TEX11: variants seen among roughly 807,000 people sequenced by gnomAD.
TEX11 encodes the protein testis expressed 11.
TEX11 carries 7 observed loss-of-function variants against 84.4 expected under a neutral mutation model. That is an observed-to-expected ratio of 0.08 (90% CI 0.05 to 0.16). The LOEUF is 0.16. Ranked by LOEUF, TEX11 falls within the 10% of genes least tolerant of loss-of-function variation. The probability of loss-of-function intolerance (pLI) is 1.00; values close to 1 mark genes in which losing one functional copy is unlikely to be tolerated. For missense variants in TEX11, 551 were observed against 660.5 expected, an observed-to-expected ratio of 0.83 and a Z score of 1.82; for synonymous variants, 264 against 222.8, an observed-to-expected ratio of 1.18 and a Z score of -1.64.
chrX:70,708,919 T>G (rs2090400927), intron 13 of TEX11, among the ~76,000 whole-genome samples: 1 of 101,311 alleles, frequency 9.9e-6, no homozygotes, highest in South Asian at 4.5e-4. Context: ...AAATAAAAGT[T>G]GAAATAATTA....
intron 9 of TEX11, among the ~76,000 whole-genome samples, chrX:70,767,200 G>C (rs1364463881): frequency 1.8e-5 from 2 of 111,472 alleles, no homozygotes; most frequent in Non-Finnish European, 3.8e-5. Context: ...TGAAGAAAAT[G>C]TGTGCAAATT....
intron 20 of TEX11, among the ~76,000 whole-genome samples, chrX:70,611,759 T>C (rs1280765361): frequency 9.0e-6 from 1 of 110,714 alleles, no homozygotes; most frequent in Non-Finnish European, 1.9e-5. Context: ...TCCCACTTAA[T>C]GGGGGAGAAA....
chrX:70,876,019 A>G (rs1406907879), intron 3 of TEX11, among the ~76,000 whole-genome samples: 1 of 112,172 alleles, frequency 8.9e-6, no homozygotes, highest in Non-Finnish European at 1.9e-5. Flanking sequence ...CACCCAAAAA[A>G]TAAGATGCGC....
chrX:70,887,955 C>A (rs1471853534), intron 2 of TEX11, among the ~76,000 whole-genome samples: 3 of 112,954 alleles, frequency 2.7e-5, no homozygotes, highest in Non-Finnish European at 5.6e-5. Flanking sequence ...GCTTCTGGAT[C>A]TTATGGAAGG....
intron 2 of TEX11, among the ~76,000 whole-genome samples, chrX:70,885,900 A>AAG (rs1156668905): frequency 6.6e-4 from 72 of 108,912 alleles, no homozygotes; most frequent in African/African-American, 2.3e-3. Flanking sequence ...AAAAAAAAAA[A>AAG]AAAAGAAAAA....
intron 2 of TEX11, among the ~76,000 whole-genome samples, chrX:70,888,800 G>C (rs1206184169): frequency 9.0e-6 from 1 of 111,159 alleles, no homozygotes; most frequent in East Asian, 2.8e-4. Flanking sequence ...AACCCCCAAA[G>C]CTCAAGGATA....
intron 25 of TEX11, among the ~76,000 whole-genome samples, chrX:70,567,884 G>T (rs2088516230): frequency 9.0e-6 from 1 of 111,650 alleles, no homozygotes; most frequent in Non-Finnish European, 1.9e-5. Context: ...ATATTCTGTT[G>T]ATTTGGGGTG....
chrX:70,697,806 A>C (rs1207922900), intron 13 of TEX11, among the ~76,000 whole-genome samples: 1 of 111,920 alleles, frequency 8.9e-6, no homozygotes, highest in Non-Finnish European at 1.9e-5. Context: ...ACAGGTAAGT[A>C]CTATTCATGA....
chrX:70,566,840 T>A lies in TEX11; in HGVS notation c.2141-12040A>T, dbSNP rs5936923. Among the ~76,000 whole-genome samples, 1,184 of 111,936 alleles carry A rather than the reference T, an allele frequency of 0.011. 20 individuals are homozygous for A. The East Asian group carries it at 0.11, about 11-fold the overall frequency. Reference sequence around the variant, plus strand: ...ATTGAGGATTTTTGCATCAATGTTCTTCAAGGATATTGGTCTAAAATTCTC... The same window carrying A: ...ATTGAGGATTTTTGCATCAATGTTCATCAAGGATATTGGTCTAAAATTCTC... On this transcript the variant is annotated intron_variant, in intron 25 of 29. Coordinates refer to ENST00000374333, the MANE Select transcript of TEX11 (RefSeq NM_031276.3).
At chrX:70,896,939 G>C (rs1467012743) in intron 2 of TEX11, among the ~76,000 whole-genome samples, 1 of 106,826 alleles carries the variant, frequency 9.4e-6, no homozygotes, top group Non-Finnish European at 1.9e-5. Flanking sequence ...GACCAGCCTG[G>C]CCAACGTGGT....
At position 70,670,390 on chromosome X, in the gene TEX11, T is replaced by C. The variant is rs2090011872; in HGVS notation, c.1367A>G (p.Gln456Arg). 1 of 1,205,767 alleles carries C rather than the reference T, an allele frequency of 8.3e-7. No homozygotes were observed. Among genetic ancestry groups the C allele is most frequent in the Non-Finnish European group, 1.1e-6 (1 of 894,104 alleles). ...RNMACCYLNL[Q>R]QLDKAKEAVA... is the part of the protein sequence containing the mutation. ...AAATCAAAGGACCTTATCAAGTTGT[T>C]GCAAATTCAGGTAACAGCAAGCCAT... Residue 456 changes from glutamine to arginine, a missense_variant, in exon 16 of 30, where the codon CAA becomes CGA. By Grantham distance (43) the Gln-to-Arg change is conservative. Transcript: ENST00000374333.
At chrX:70,588,120 C>T (rs1685199559) in intron 25 of TEX11, among the ~76,000 whole-genome samples, 1 of 112,178 alleles carries the variant, frequency 8.9e-6, no homozygotes. Context: ...GTGGAAGGGA[C>T]TTGCCTTGTC....
intron 28 of TEX11, among the ~76,000 whole-genome samples, chrX:70,531,690 T>C (rs1182057578): frequency 9.0e-6 from 1 of 111,279 alleles, no homozygotes; most frequent in Non-Finnish European, 1.9e-5. Context: ...GTATAGAGTT[T>C]CTTTTGGGGA....
At chrX:70,712,714 T>C (rs1381164034) in intron 13 of TEX11, among the ~76,000 whole-genome samples, 4 of 111,033 alleles carry the variant, frequency 3.6e-5, no homozygotes, top group African/African-American at 1.3e-4. Context: ...GTTTTCTAGA[T>C]ATACAATCAT....
At chrX:70,576,960 G>T (rs2088681849) in intron 25 of TEX11, among the ~76,000 whole-genome samples, 1 of 111,765 alleles carries the variant, frequency 8.9e-6, no homozygotes, top group African/African-American at 3.3e-5. Flanking sequence ...TAAAGAGTGA[G>T]CAACAGGTCA....
At chrX:70,776,327 C>T (rs1476011025) in intron 9 of TEX11, among the ~76,000 whole-genome samples, 2 of 110,313 alleles carry the variant, frequency 1.8e-5, no homozygotes, top group African/African-American at 3.3e-5. Flanking sequence ...TTTGGGGGGC[C>T]GAGGTGGGTG....
At chrX:70,843,070 T>A (rs918262394) in intron 7 of TEX11, among the ~76,000 whole-genome samples, 5 of 111,386 alleles carry the variant, frequency 4.5e-5, no homozygotes, top group South Asian at 3.8e-4. Flanking sequence ...TAATTTATAG[T>A]TTCAATGCCA....
chrX:70,746,857 T>C (rs1173650788), intron 9 of TEX11, among the ~76,000 whole-genome samples: 5 of 112,028 alleles, frequency 4.5e-5, no homozygotes, highest in African/African-American at 1.6e-4. Flanking sequence ...TCCAGAAGAC[T>C]GTGCCCATGT....
At chrX:70,814,038 A>C (rs2091273156) in intron 8 of TEX11, among the ~76,000 whole-genome samples, 1 of 111,762 alleles carries the variant, frequency 8.9e-6, no homozygotes, top group Non-Finnish European at 1.9e-5. Flanking sequence ...AAGGTAATTT[A>C]TAGATTCAAT....
Sources: gnomAD v4.1 joint callset for allele counts (sites outside exome capture counted in the v4.1 genomes callset) on GRCh38, gnomAD v4.1.1 for gene constraint, MANE v1.5 for transcripts, NCBI Gene and HGNC (gene_info 2026-07-23, HGNC 2026-07-21) for gene names.